SLIT3: variants seen among roughly 807,000 people sequenced by gnomAD.
SLIT3 encodes the protein slit guidance ligand 3.
In SLIT3, 68 loss-of-function variants were observed where a neutral mutation model predicts 184.0. That is an observed-to-expected ratio of 0.37 (90% confidence interval 0.30 to 0.45). The LOEUF (loss-of-function observed/expected upper bound fraction) is 0.45. SLIT3 is among the 20% of genes least tolerant of loss of function. The pLI is 1.00. For synonymous variants in SLIT3, 831 were observed against 828.6 expected (o/e 1.00, Z -0.05); for missense variants, 1,707 against 2,026.0 (o/e 0.84, Z 3.02).
chr5:169,080,914 G>T (rs1454735928), intron 4 of SLIT3, among the ~76,000 whole-genome samples: 1 of 151,402 alleles, frequency 6.6e-6, no homozygotes, highest in Non-Finnish European at 1.5e-5. Flanking sequence ...TGGTTTTAAA[G>T]AAAAAAGAAA....
intron 20 of SLIT3, among the ~76,000 whole-genome samples, chr5:168,734,038 T>C (rs969678921): frequency 1.3e-5 from 2 of 151,900 alleles, no homozygotes; most frequent in Non-Finnish European, 2.9e-5. Context: ...CTACAAAAGG[T>C]AGGAGGGTGC....
chr5:169,080,139 A>G (rs1015408105), intron 4 of SLIT3, among the ~76,000 whole-genome samples: 2 of 152,022 alleles, frequency 1.3e-5, no homozygotes, highest in Non-Finnish European at 2.9e-5. Context: ...AATTACTAGG[A>G]GGAAACATCA....
rs540528948 is a variant in SLIT3 at position 168,834,686 on chromosome 5, C to CAAAAAA, written c.557+9892_557+9897dup. ...TGGGACACACAGCGAGACTCTGTCTCAAAAAAAAAAAAAAAAAAAAAAAAA... is the reference window on the plus strand; with the variant it reads ...TGGGACACACAGCGAGACTCTGTCTCAAAAAAAAAAAAAAAAAAAAAAAAAAAAAAA... On this transcript the variant is annotated intron_variant, in intron 6 of 35. Transcript: ENST00000519560. Among the ~76,000 whole-genome samples, 40 of 37,424 alleles carry CAAAAAA rather than the reference C, an allele frequency of 1.1e-3. 3 individuals are homozygous for CAAAAAA. Among genetic ancestry groups the CAAAAAA allele is most frequent in the African/African-American group, 2.2e-3 (21 of 9,672 alleles). 24.6% of individuals were successfully genotyped at this position (37,424 alleles called of 152,430 possible).
At chr5:168,769,976 G>A (rs1755487917) in intron 14 of SLIT3, among the ~76,000 whole-genome samples, 1 of 152,164 alleles carries the variant, frequency 6.6e-6, no homozygotes, top group Non-Finnish European at 1.5e-5. Flanking sequence ...CTATCTTGCT[G>A]TTCGCCGTCT....
At chr5:169,136,470 T>A (rs1479670192) in intron 4 of SLIT3, among the ~76,000 whole-genome samples, 1 of 152,118 alleles carries the variant, frequency 6.6e-6, no homozygotes, top group Admixed American at 6.5e-5. Context: ...TGGCCAGAAC[T>A]TTGCTGTTAC....
intron 14 of SLIT3, among the ~76,000 whole-genome samples, chr5:168,770,174 C>A (rs1755498684): frequency 6.6e-6 from 1 of 152,150 alleles, no homozygotes; most frequent in African/African-American, 2.4e-5. Flanking sequence ...TCAGATTACC[C>A]CAGCCGGCAG....
At chr5:168,750,221 C>T (rs1318701452) in intron 18 of SLIT3, among the ~76,000 whole-genome samples, 1 of 152,168 alleles carries the variant, frequency 6.6e-6, no homozygotes, top group East Asian at 1.9e-4. Context: ...TCATCACAGG[C>T]ACTTTATATG....
In SLIT3 at chr5:168,898,959, A is replaced by G. The variant is rs556872423; in HGVS notation, c.414-15623T>C. On this transcript the variant is annotated intron_variant, in intron 4 of 35. Transcript: ENST00000519560. Reference sequence around the variant, plus strand: ...ACAGGGTATAAGGTTAAAAGACATTATGTGAGAAGGCTATTACCATAACAT... The same window carrying G: ...ACAGGGTATAAGGTTAAAAGACATTGTGTGAGAAGGCTATTACCATAACAT... Among the ~76,000 whole-genome samples, 80 of 152,360 alleles carry G rather than the reference A, an allele frequency of 5.3e-4. 1 individual carries two copies. In the South Asian group the frequency reaches 0.015, roughly 28 times the overall value.
chr5:168,857,627 T>C (rs544216916), intron 5 of SLIT3, among the ~76,000 whole-genome samples: 1 of 152,286 alleles, frequency 6.6e-6, no homozygotes, highest in African/African-American at 2.4e-5. Flanking sequence ...ATGAAGTTTT[T>C]CTCATTTTGT....
At chr5:168,779,634 A>AGGAAAACCAAAGC (rs1755897495) in intron 12 of SLIT3, among the ~76,000 whole-genome samples, 1 of 152,328 alleles carries the variant, frequency 6.6e-6, no homozygotes, top group East Asian at 1.9e-4. Flanking sequence ...TGTGGCCTTC[A>AGGAAAACCAAAGC]GGAAAACCAA....
intron 5 of SLIT3, among the ~76,000 whole-genome samples, chr5:168,850,714 A>G (rs1758637432): frequency 1.3e-5 from 2 of 152,248 alleles, no homozygotes; most frequent in South Asian, 4.1e-4. Context: ...ATACTTTGCC[A>G]CATAGCTAGC....
rs1448665882 is a variant in SLIT3, at chr5:169,039,306, T to G, written c.413+154173A>C. ...CAAACAGTGCTCCGTAAGAGTTAAG[T>G]TTTTTTTTGTGTTTTTTTTTTTTTT... On this transcript the variant is annotated intron_variant, in intron 4 of 35. Transcript: ENST00000519560. 2.8e-5 allele frequency among the ~76,000 whole-genome samples: 4 copies of G among 142,952 alleles called. No homozygotes were observed. In the East Asian group the frequency reaches 6.8e-4, roughly 24 times the overall value. 93.8% of individuals were successfully genotyped at this position (142,952 alleles called of 152,430 possible). A position where few individuals can be genotyped will look rare whatever the true frequency, so the allele number is the denominator to read the frequency against.
chr5:168,796,811 T>C (rs1326067470), intron 9 of SLIT3, among the ~76,000 whole-genome samples: 1 of 152,068 alleles, frequency 6.6e-6, no homozygotes, highest in Non-Finnish European at 1.5e-5. Flanking sequence ...AATGGAGCAG[T>C]TTGCCAGCAA....
chr5:169,021,830 C>T (rs767409689), intron 4 of SLIT3, among the ~76,000 whole-genome samples: 7 of 152,146 alleles, frequency 4.6e-5, no homozygotes, highest in Admixed American at 1.3e-4. Flanking sequence ...TCTAGACCTG[C>T]GTTGCTCACC....
At chr5:169,102,795 G>A (rs1760066520) in intron 4 of SLIT3, among the ~76,000 whole-genome samples, 1 of 152,118 alleles carries the variant, frequency 6.6e-6, no homozygotes, top group African/African-American at 2.4e-5. Context: ...CAGTCTACAG[G>A]TTTAAATGTT....
intron 4 of SLIT3, among the ~76,000 whole-genome samples, chr5:169,092,595 CTT>C (rs1561659925): frequency 1.3e-5 from 2 of 152,176 alleles, no homozygotes; most frequent in Non-Finnish European, 2.9e-5. Context: ...TAGCCTGAGA[CTT>C]TTGAATCTGG....
chr5:169,276,446 C>A (rs1212634177), intron 1 of SLIT3, among the ~76,000 whole-genome samples: 1 of 152,164 alleles, frequency 6.6e-6, no homozygotes, highest in African/African-American at 2.4e-5. Context: ...CATCCTCTAT[C>A]CTCTTTGGTT....
chr5:168,813,654 A>C (rs1222538286), intron 8 of SLIT3, among the ~76,000 whole-genome samples: 1 of 152,214 alleles, frequency 6.6e-6, no homozygotes, highest in Non-Finnish European at 1.5e-5. Context: ...AGAGGAGATG[A>C]ATTTTGCCAA....
chr5:168,860,015 C>T (rs1053822594), intron 5 of SLIT3, among the ~76,000 whole-genome samples: 1 of 152,158 alleles, frequency 6.6e-6, no homozygotes, highest in Non-Finnish European at 1.5e-5. Flanking sequence ...AGAACATCAC[C>T]GTTTGCCTTT....
Sources: allele counts gnomAD v4.1 joint callset (sites outside exome capture counted in the v4.1 genomes callset), GRCh38; gene constraint gnomAD v4.1.1; transcripts MANE v1.5; gene names NCBI Gene and HGNC (gene_info 2026-07-23, HGNC 2026-07-21).